SLC17A4: variants seen among roughly 807,000 people sequenced by gnomAD.
The protein encoded by SLC17A4 is probable small intestine urate exporter.
Under a neutral mutation model 52.5 loss-of-function variants are expected in SLC17A4, and 33 were observed. The ratio of observed to expected loss-of-function variants is 0.63; its 90% CI spans 0.48 to 0.84. The LOEUF (loss-of-function observed/expected upper bound fraction) is 0.84. Ranked by LOEUF, SLC17A4 falls within the 40% of genes least tolerant of loss-of-function variation. SLC17A4 has a pLI of 0.00. For missense variants in SLC17A4, 585 were observed against 597.1 expected (o/e 0.98, Z 0.21); for synonymous variants, 225 against 216.2 (o/e 1.04, Z -0.36).
At chr6:25,769,337 C>T (rs554764940) in intron 3 of SLC17A4, 147 bp downstream of exon 3, 217 of 774,958 alleles carry the variant, frequency 2.8e-4, no homozygotes, top group African/African-American at 2.7e-3. Flanking sequence ...AGTATCAGGC[C>T]GAGCATGGTG....
At chr6:25,774,296 C>T (rs543714987) in intron 8 of SLC17A4, among the ~76,000 whole-genome samples, 30 of 152,152 alleles carry the variant, frequency 2.0e-4, no homozygotes, top group Non-Finnish European at 3.4e-4. Flanking sequence ...CCTTTCAATT[C>T]CTGCTGGATG....
At chr6:25,760,147 A>G (rs1761408933) in intron 1 of SLC17A4, among the ~76,000 whole-genome samples, 1 of 152,248 alleles carries the variant, frequency 6.6e-6, no homozygotes, top group African/African-American at 2.4e-5. Flanking sequence ...CTGATAGGTA[A>G]GAAATAATAG....
At chr6:25,763,234 G>A (rs1761702298) in intron 2 of SLC17A4, among the ~76,000 whole-genome samples, 1 of 152,146 alleles carries the variant, frequency 6.6e-6, no homozygotes, top group South Asian at 2.1e-4. Flanking sequence ...GGCTATAGCT[G>A]TATCAGACAA....
chr6:25,773,515 C>T lies in SLC17A4; in HGVS notation c.828C>T (p.Asp276=). 1 of 1,613,704 alleles carries T rather than the reference C, an allele frequency of 6.2e-7. No homozygotes were observed. Among genetic ancestry groups the T allele is most frequent in the Non-Finnish European group, 8.5e-7 (1 of 1,179,812 alleles). Residue 276 remains aspartate (D), a splice_region_variant and synonymous_variant, in exon 8 of 12, where the codon GAC becomes GAT. Transcript: ENST00000377905. ...CATTGATGTGTGCTTTCTTCCAGGA[C>T]TGTTCACCAGGCTGGTCTCTTCCCA... ...RYIVCSLAQQ[D]CSPGWSLPIR... is the part of the protein sequence containing the mutation.
intron 1 of SLC17A4, among the ~76,000 whole-genome samples, chr6:25,756,152 C>A (rs1173614812): frequency 1.3e-5 from 2 of 152,020 alleles, no homozygotes; most frequent in African/African-American, 4.8e-5. Context: ...CCTATAGGAC[C>A]CAAAATGGTC....
Position 25,770,249 on chromosome 6 carries a change from T to C in SLC17A4, c.480T>C (p.Asn160=), listed in dbSNP as rs774433036. Residue 160 remains asparagine, a synonymous_variant, in exon 4 of 12, where the codon AAT becomes AAC. Transcript: ENST00000377905. ...CCCTCTTCATTCCACTGGCAGCTAA[T>C]GCGGGAGTGGCCTTGCTCATTGTCC... is the stretch of plus-strand genomic sequence containing the variant. ...FLTLFIPLAA[N]AGVALLIVLR... is the part of the protein sequence containing the mutation. 6.2e-7 allele frequency: 1 copy of C among 1,614,168 alleles called. No homozygotes were observed. Among genetic ancestry groups the C allele is most frequent in the South Asian group, 1.1e-5 (1 of 91,084 alleles).
intron 1 of SLC17A4, among the ~76,000 whole-genome samples, chr6:25,756,816 G>A (rs1012170089): frequency 3.3e-5 from 5 of 152,132 alleles, no homozygotes; most frequent in Non-Finnish European, 5.9e-5. Flanking sequence ...ATGAACTTGC[G>A]GCCAGTGAAC....
At chr6:25,755,022 GAGAC>G (rs1050366515) in intron 1 of SLC17A4, among the ~76,000 whole-genome samples, 10 of 139,304 alleles carry the variant, frequency 7.2e-5, no homozygotes, top group South Asian at 2.4e-4. Flanking sequence ...TAGCTGAACA[GAGAC>G]AGACAGACAG....
intron 6 of SLC17A4, among the ~76,000 whole-genome samples, 158 bp downstream of exon 6, chr6:25,771,170 G>A (rs969644951): frequency 3.9e-5 from 6 of 152,130 alleles, no homozygotes; most frequent in African/African-American, 1.4e-4. Context: ...TCAGCAGCCC[G>A]AGTGTGTAGC....
chr6:25,769,247 GT>G, intron 3 of SLC17A4, 57 bp downstream of exon 3: 1 of 1,472,208 alleles, frequency 6.8e-7, no homozygotes. Context: ...GACTTAAAGA[GT>G]TATAAAAGAG....
intron 1 of SLC17A4, among the ~76,000 whole-genome samples, chr6:25,758,329 A>G (rs1401018433): frequency 6.6e-6 from 1 of 152,182 alleles, no homozygotes; most frequent in Non-Finnish European, 1.5e-5. Context: ...CTCTAAAAAC[A>G]TTCTCACCTT....
rs1038746267 is a variant in SLC17A4 at position 25,777,835 on chromosome 6, G to T, written c.1269-91G>T. 245 of 1,018,010 alleles carry T rather than the reference G, an allele frequency of 2.4e-4. 1 individual carries two copies. Among genetic ancestry groups the T allele is most frequent in the Admixed American group, 2.3e-4 (13 of 56,682 alleles). The allele number at this position is 1,018,010 out of a possible 1,614,324, so 63.1% of individuals were successfully genotyped here. A position where few individuals can be genotyped will look rare whatever the true frequency, so the allele number is the denominator to read the frequency against. ...ACCAGCTGATATTAACCCTTTGTTT[G>T]CACAGGAATATTTGCCTCCCTCTCC... On this transcript the variant is annotated intron_variant, in intron 10 of 11. Coordinates refer to ENST00000377905, the MANE Select transcript of SLC17A4 (RefSeq NM_005495.3).
chr6:25,778,935 C>T, intron 11 of SLC17A4, 119 bp from the exon 12 acceptor site: 1 of 1,301,998 alleles, frequency 7.7e-7, no homozygotes, highest in South Asian at 1.4e-5. Flanking sequence ...ACTGGGAAGC[C>T]CATGGAAGCC....
Position 25,769,054 on chromosome 6 carries a change from A to T in SLC17A4, c.161A>T (p.Gln54Leu), listed in dbSNP as rs373453643. Residue 54 changes from glutamine (Q) to leucine (L), a missense_variant, in exon 3 of 12, where the codon CAA (glutamine) becomes CTA (leucine). Physicochemically the swap from Gln to Leu is moderately radical, Grantham distance 113. Coordinates refer to ENST00000377905, the MANE Select transcript of SLC17A4 (RefSeq NM_005495.3). ...QLCNFSIYTQ[Q>L]MNLSIAIPAM... ...TGTAATTTTTCAATTTACACCCAAC[A>T]AATGAACTTGAGCATTGCCATCCCA... 1.4e-5 allele frequency: 22 copies of T among 1,613,958 alleles called. No homozygotes were observed. The highest frequency in any genetic ancestry group is 1.9e-5 in the Non-Finnish European group (22 of 1,179,996).
rs148898478 is a variant in SLC17A4 at position 25,756,911 on chromosome 6, T to G, written c.-37+2130T>G. 9.8e-5 allele frequency among the ~76,000 whole-genome samples: 15 copies of G among 152,338 alleles called. No individual in the cohort carries two copies. In the East Asian group the frequency reaches 2.9e-3, roughly 29 times the overall value. Reference sequence around the variant, plus strand: ...GCCCTGAAAGCTATGTCTTTAGTTCTTGTGACTGATATGATTTTTTCAATT... The same window carrying G: ...GCCCTGAAAGCTATGTCTTTAGTTCGTGTGACTGATATGATTTTTTCAATT... On this transcript the variant is annotated intron_variant, in intron 1 of 11. Transcript: ENST00000377905.
Position 25,773,316 on chromosome 6 carries a change from A to T in SLC17A4, c.748A>T (p.Ile250Phe). The T allele has an allele frequency of 6.2e-7, 1 of 1,613,924 alleles. No individual in the cohort carries two copies. Among genetic ancestry groups the T allele is most frequent in the Non-Finnish European group, 8.5e-7 (1 of 1,179,858 alleles). The stretch of plus-strand genomic sequence containing the variant: ...TTGTTGTCCTCTCTGGTTTCCTCTC[A>T]TTTATGATGATCCTGTGAATCATCC... ...CACCPLWFPL[I>F]YDDPVNHPFI... The change falls in exon 7 of 12, where the codon ATT becomes TTT. Residue 250 changes from isoleucine to phenylalanine, a missense_variant. Ile to Phe is a conservative substitution (Grantham distance 21). Coordinates refer to ENST00000377905, the MANE Select transcript of SLC17A4 (RefSeq NM_005495.3).
rs912106091 is a variant in SLC17A4, at chr6:25,779,505, C to T, written c.*317C>T. The T allele has an allele frequency of 1.3e-5, 3 of 235,596 alleles. No individual in the cohort carries two copies. Among genetic ancestry groups the T allele is most frequent in the Non-Finnish European group, 2.4e-5 (3 of 122,690 alleles). 14.6% of individuals were successfully genotyped at this position (235,596 alleles called of 1,614,324 possible). ...GGAAGCCAGACCTTGGGACCGAGAA[C>T]TGAGAATCACAAGGGAGTTGCGCCC... On this transcript the variant is annotated 3_prime_UTR_variant, in exon 12 of 12. Transcript: ENST00000377905.
In SLC17A4 at chr6:25,773,406, ACTC is replaced by A; in HGVS notation, c.825+17_825+19del. On this transcript the variant is annotated intron_variant, in intron 7 of 11. Transcript: ENST00000377905. ...ATTGGCTCAGCAGGTACATTGAGGA[ACTC>A]CTCTGACATTTCTCTATGTCCCTCT... 1 of 1,612,948 alleles carries A rather than the reference ACTC, an allele frequency of 6.2e-7. No homozygotes were observed. Among genetic ancestry groups the A allele is most frequent in the African/African-American group, 1.3e-5 (1 of 74,938 alleles).
chr6:25,776,009 T>C (rs1172558489), intron 8 of SLC17A4, among the ~76,000 whole-genome samples: 1 of 152,034 alleles, frequency 6.6e-6, no homozygotes, highest in Admixed American at 6.6e-5. Flanking sequence ...CTCTGTGGAG[T>C]AAATTTCTGC....
Sources: gnomAD v4.1 joint callset for allele counts (sites outside exome capture counted in the v4.1 genomes callset) on GRCh38, gnomAD v4.1.1 for gene constraint, MANE v1.5 for transcripts, NCBI Gene and HGNC (gene_info 2026-07-23, HGNC 2026-07-21) for gene names.